COG7: variants seen among roughly 807,000 people sequenced by gnomAD.
COG7 encodes component of oligomeric golgi complex 7.
In COG7, 49 loss-of-function variants were observed where a neutral mutation model predicts 91.5. That is an observed-to-expected ratio of 0.54 (90% CI 0.43 to 0.68). The LOEUF is 0.68. Among genes scored for constraint, COG7 ranks in the 30% least tolerant of loss-of-function variants. COG7 has a pLI of 0.00. For synonymous variants in COG7, 365 were observed against 388.7 expected (o/e 0.94, Z 0.72); for missense variants, 895 against 961.3 (o/e 0.93, Z 0.91).
At chr16:23,401,784 G>A (rs141421143) in intron 13 of COG7, among the ~76,000 whole-genome samples, 111 of 152,178 alleles carry the variant, frequency 7.3e-4, no homozygotes, top group African/African-American at 2.5e-3. Context: ...GACCAGGCTT[G>A]GTGGCTCATG....
intron 7 of COG7, among the ~76,000 whole-genome samples, chr16:23,423,530 A>G (rs760868641): frequency 6.6e-6 from 1 of 152,182 alleles, no homozygotes; most frequent in Non-Finnish European, 1.5e-5. Context: ...AGCCACTTCC[A>G]CAAAGGCATC....
intron 15 of COG7, 49 bp from the exon 16 acceptor site, chr16:23,392,572 G>A: frequency 6.2e-7 from 1 of 1,610,152 alleles, no homozygotes; most frequent in Non-Finnish European, 8.5e-7. Flanking sequence ...TGCAGTAGCT[G>A]CTGAATGCAC....
chr16:23,406,030 G>A (rs1963454926), intron 12 of COG7, 46 bp downstream of exon 12: 10 of 1,573,494 alleles, frequency 6.4e-6, no homozygotes, highest in Non-Finnish European at 8.7e-6. Context: ...TGAGTGATGA[G>A]AAGAAGCCTT....
At chr16:23,450,638 G>T (rs1417398806) in intron 1 of COG7, among the ~76,000 whole-genome samples, 1 of 151,926 alleles carries the variant, frequency 6.6e-6, no homozygotes, top group Non-Finnish European at 1.5e-5. Context: ...GACCAGCCTG[G>T]ACAACATAGT....
At chr16:23,430,627 C>A (rs1012516627) in intron 6 of COG7, among the ~76,000 whole-genome samples, 12 of 151,822 alleles carry the variant, frequency 7.9e-5, no homozygotes, top group African/African-American at 2.9e-4. Context: ...CAGCAACCTC[C>A]ACCTCCCAGG....
chr16:23,453,076 G>A lies in COG7; in HGVS notation c.-82C>T. ...CGGGGATGCAGAAGCGAGCGAGCCT[G>A]CGAGAGCACCGAGGCTAGCCTCCGA... On this transcript the variant is annotated 5_prime_UTR_variant, in exon 1 of 17. Transcript: ENST00000307149. 3 of 1,596,058 alleles carry A rather than the reference G, an allele frequency of 1.9e-6. No homozygotes were observed. In the South Asian group the frequency reaches 3.4e-5, roughly 18 times the overall value.
chr16:23,401,929 C>T (rs543910378), intron 13 of COG7, among the ~76,000 whole-genome samples: 6 of 152,110 alleles, frequency 3.9e-5, no homozygotes, highest in South Asian at 2.1e-4. Flanking sequence ...TGGTGGCAGG[C>T]GCCTATAGTC....
chr16:23,423,925 G>T (rs535314684), intron 7 of COG7, among the ~76,000 whole-genome samples: 1 of 152,154 alleles, frequency 6.6e-6, no homozygotes, highest in Admixed American at 6.6e-5. Flanking sequence ...GTCGGCCACC[G>T]GGGAAAGCCC....
intron 11 of COG7, among the ~76,000 whole-genome samples, chr16:23,407,326 C>A (rs1963478778): frequency 6.6e-6 from 1 of 152,220 alleles, no homozygotes; most frequent in Non-Finnish European, 1.5e-5. Context: ...CCTGTCTCTG[C>A]CATTGCCTTA....
chr16:23,420,013 G>C (rs1272093703), intron 7 of COG7, among the ~76,000 whole-genome samples: 1 of 151,734 alleles, frequency 6.6e-6, no homozygotes, highest in Non-Finnish European at 1.5e-5. Flanking sequence ...ATGGTAGCAT[G>C]CATCTGTGGT....
intron 7 of COG7, among the ~76,000 whole-genome samples, chr16:23,420,944 G>A (rs1963746337): frequency 1.4e-5 from 2 of 143,576 alleles, no homozygotes; most frequent in Admixed American, 1.4e-4. Context: ...TGTAGAGATG[G>A]GGTATATGTT....
intron 9 of COG7, chr16:23,415,757 G>C (rs1963642762): frequency 6.6e-6 from 1 of 152,038 alleles, no homozygotes; most frequent in Admixed American, 6.6e-5. Flanking sequence ...ATCCTAGTTC[G>C]AGTTAGGCCA....
In COG7 at chr16:23,445,063, C is replaced by T. The variant is rs779144674; in HGVS notation, c.420G>A (p.Glu140=). ...KWSTLSADIE[E]TFKTQDIAVI... is the part of the protein sequence containing the mutation. ...AGAAACCTACCTGAGTCTTAAATGT[C>T]TCCTCAATATCGGCGCTCAACGTGC... Residue 140 remains glutamate (E), a synonymous_variant, in exon 3 of 17, where the codon GAG becomes GAA. Transcript: ENST00000307149. The T allele has an allele frequency of 1.2e-6, 2 of 1,613,624 alleles. No individual in the cohort carries two copies. The highest frequency in any genetic ancestry group is 1.7e-6 in the Non-Finnish European group (2 of 1,179,554).
chr16:23,427,946 T>C lies in COG7; in HGVS notation c.811-2999A>G, dbSNP rs1440860271. Among the ~76,000 whole-genome samples, 8 of 152,142 alleles carry C rather than the reference T, an allele frequency of 5.3e-5. No individual in the cohort carries two copies. The East Asian group carries it at 1.5e-3, about 29-fold the overall frequency. On this transcript the variant is annotated intron_variant, in intron 6 of 16. Coordinates refer to ENST00000307149, the MANE Select transcript of COG7 (RefSeq NM_153603.4). ...AATCCCAGCACTTTGGGAGGCCGAGTGGGCAGAGCACTTGAGGCCAGGAGT... is the reference window on the plus strand; with the variant it reads ...AATCCCAGCACTTTGGGAGGCCGAGCGGGCAGAGCACTTGAGGCCAGGAGT...
rs1963866646 is a variant in COG7 at position 23,427,452 on chromosome 16, C to T, written c.811-2505G>A. Among the ~76,000 whole-genome samples the T allele has an allele frequency of 2.7e-5, 4 of 149,048 alleles. No homozygotes were observed. In the South Asian group the frequency reaches 8.5e-4, roughly 32 times the overall value. On this transcript the variant is annotated intron_variant, in intron 6 of 16. Coordinates refer to ENST00000307149, the MANE Select transcript of COG7 (RefSeq NM_153603.4). ...TAGCGCCACTGCACTCTAGCCTGGG[C>T]AACAGAGAGAAACTCTGTCTCAAAA...
chr16:23,425,046 A>C, intron 6 of COG7, 99 bp from the exon 7 acceptor site: 1 of 1,000,586 alleles, frequency 1.0e-6, no homozygotes, highest in Non-Finnish European at 1.5e-6. Flanking sequence ...ACGGTGGCTT[A>C]TGCCTATAAT....
chr16:23,410,207 A>G lies in COG7; in HGVS notation c.1475+88T>C, dbSNP rs1963539720. ...GCCCTGTGGCCTTCACATCTGGCAT[A>G]TGCTGTCCTTGCTGTACTGTGTACT... is the stretch of plus-strand genomic sequence containing the variant. On this transcript the variant is annotated intron_variant, in intron 11 of 16. Coordinates refer to ENST00000307149, the MANE Select transcript of COG7 (RefSeq NM_153603.4). The G allele has an allele frequency of 2.9e-6, 3 of 1,027,154 alleles. No individual in the cohort carries two copies. The South Asian group carries it at 4.0e-5, about 14-fold the overall frequency. 63.6% of individuals were successfully genotyped at this position (1,027,154 alleles called of 1,614,324 possible).
chr16:23,406,034 A>C (rs1963454966), intron 12 of COG7, 42 bp downstream of exon 12: 1 of 1,579,634 alleles, frequency 6.3e-7, no homozygotes, highest in Non-Finnish European at 8.7e-7. Flanking sequence ...TGATGAGAAG[A>C]AGCCTTTCAT....
At position 23,398,143 on chromosome 16, in the gene COG7, G is replaced by A. The variant is rs768020092; in HGVS notation, c.1804-14C>T. 18 of 1,609,658 alleles carry A rather than the reference G, an allele frequency of 1.1e-5. No homozygotes were observed. The highest frequency in any genetic ancestry group is 1.7e-4 in the Middle Eastern group (1 of 6,046). On this transcript the variant is annotated splice_polypyrimidine_tract_variant and intron_variant, in intron 13 of 16. Transcript: ENST00000307149. Reference sequence around the variant, plus strand: ...CGTATTCCAGCTCTAAGGGTGGAACGAGAGGACACAATCAGTACCTAGCAG... The same window carrying A: ...CGTATTCCAGCTCTAAGGGTGGAACAAGAGGACACAATCAGTACCTAGCAG...
Sources: allele counts gnomAD v4.1 joint callset (sites outside exome capture counted in the v4.1 genomes callset), GRCh38; gene constraint gnomAD v4.1.1; transcripts MANE v1.5; gene names NCBI Gene and HGNC (gene_info 2026-07-23, HGNC 2026-07-21).